Variants in STARD13 observed in about 807,000 individuals in gnomAD.
STARD13 encodes stAR-related lipid transfer protein 13.
In STARD13, 62 loss-of-function variants were observed where a neutral mutation model predicts 106.4. The observed-to-expected ratio is 0.58, with a 90% CI of 0.48 to 0.72. The LOEUF (loss-of-function observed/expected upper bound fraction) is 0.72, where lower values mean the gene tolerates loss of function less well. STARD13 is among the 30% of genes least tolerant of loss of function. STARD13 has a pLI of 0.00. For synonymous variants in STARD13, 565 were observed against 553.0 expected (o/e 1.02, Z -0.31); for missense variants, 1,387 against 1,424.0 (o/e 0.97, Z 0.42).
intron 1 of STARD13, among the ~76,000 whole-genome samples, chr13:33,272,188 A>G (rs61943573): frequency 0.017 from 2,534 of 152,328 alleles, 39 homozygotes; most frequent in Non-Finnish European, 0.026. Context: ...CCTTATCTGA[A>G]ATGCTTGGCA....
the STARD13 span, among the ~76,000 whole-genome samples, chr13:33,591,163 C>T: frequency 2.1e-4 from 32 of 152,252 alleles, no homozygotes; most frequent in African/African-American, 6.8e-4. Flanking sequence ...GGCAGATGCT[C>T]AGTCAAAATC....
chr13:33,129,236 C>A lies in STARD13; in HGVS notation c.1441G>T (p.Asp481Tyr). The A allele has an allele frequency of 1.2e-6, 2 of 1,614,170 alleles. No homozygotes were observed. The highest frequency in any genetic ancestry group is 1.1e-5 in the South Asian group (1 of 91,070). Residue 481 changes from aspartate to tyrosine, a missense_variant, in exon 5 of 14, where the codon GAC becomes TAC. Asp to Tyr is a radical substitution (Grantham distance 160, BLOSUM62 -3). Transcript: ENST00000336934. ...ATGTCATCCAAGTGAGGGAAAAGGT[C>A]ATCTTTCTCCAAGTCCAAAAGATCT... The part of the protein sequence containing the change: ...TGDLLDLEKD[D>Y]LFPHLDDILQ...
the STARD13 span, among the ~76,000 whole-genome samples, chr13:33,629,593 T>C: frequency 6.6e-6 from 1 of 152,216 alleles, no homozygotes; most frequent in African/African-American, 2.4e-5. Flanking sequence ...ACACTAAGTT[T>C]TGAGATTAAA....
chr13:33,261,432 G>C (rs1207965565), intron 1 of STARD13, among the ~76,000 whole-genome samples: 1 of 152,110 alleles, frequency 6.6e-6, no homozygotes, highest in South Asian at 2.1e-4. Context: ...ATAAGCCAGC[G>C]CTCCTTTTAG....
chr13:33,127,452 G>A lies in STARD13; in HGVS notation c.1843C>T (p.Leu615=). ...ISSQTASQLS[L]LQRFSLLRLT... is the part of the protein sequence containing the mutation. ...CGGAGCAGTGAGAAGCGCTGGAGCA[G>A]GCTCAGCTGGCTGGCCGTCTGGCTG... The change falls in exon 6 of 14, where the codon CTG becomes TTG. Residue 615 remains leucine (L), a synonymous_variant. Coordinates refer to ENST00000336934, the MANE Select transcript of STARD13 (RefSeq NM_178006.4). The A allele has an allele frequency of 6.2e-7, 1 of 1,601,944 alleles. No homozygotes were observed. The highest frequency in any genetic ancestry group is 8.5e-7 in the Non-Finnish European group (1 of 1,178,300).
At chr13:33,163,569 G>C (rs1220308263) in intron 3 of STARD13, among the ~76,000 whole-genome samples, 1 of 117,042 alleles carries the variant, frequency 8.5e-6, no homozygotes, top group African/African-American at 3.1e-5. Flanking sequence ...CAGCCTGGGC[G>C]ACAGAGCAAG....
rs1566038434 is a variant in STARD13, at chr13:33,163,604, A to AT, written c.323+1732_323+1733insA. Reference sequence around the variant, plus strand: ...GACTCTGTCTCAAAAAAAAAAAAAAAAATATATATATATATATATAAAACA... The same window carrying AT: ...GACTCTGTCTCAAAAAAAAAAAAAAATAATATATATATATATATATAAAACA... On this transcript the variant is annotated intron_variant, in intron 3 of 13. Transcript: ENST00000336934. Among the ~76,000 whole-genome samples the AT allele has an allele frequency of 6.4e-3, 477 of 74,502 alleles. 12 individuals carry two copies. The highest frequency in any genetic ancestry group is 0.017 in the African/African-American group (410 of 24,414). The allele number at this position is 74,502 out of a possible 152,430, so 48.9% of individuals were successfully genotyped here.
At chr13:33,183,200 A>C (rs912077576) in intron 1 of STARD13, among the ~76,000 whole-genome samples, 1 of 152,128 alleles carries the variant, frequency 6.6e-6, no homozygotes, top group Non-Finnish European at 1.5e-5. Context: ...CCCCCATTAG[A>C]CCACAGCTCT....
chr13:33,325,561 A>T (rs2077764061), intron 1 of STARD13, among the ~76,000 whole-genome samples: 1 of 152,184 alleles, frequency 6.6e-6, no homozygotes. Flanking sequence ...GGCTGAATAA[A>T]ACTATCCAAA....
intron 3 of STARD13, among the ~76,000 whole-genome samples, chr13:33,153,011 T>G (rs1325360): frequency 6.6e-6 from 1 of 151,992 alleles, no homozygotes; most frequent in Admixed American, 6.5e-5. Context: ...AGGAAAGGCA[T>G]GGACATTCTT....
the STARD13 span, among the ~76,000 whole-genome samples, chr13:33,454,200 G>A: frequency 6.6e-6 from 1 of 152,214 alleles, no homozygotes; most frequent in Non-Finnish European, 1.5e-5. Flanking sequence ...TTGGCAGGAG[G>A]ACTGATACAG....
At chr13:33,381,612 C>T in the STARD13 span, among the ~76,000 whole-genome samples, 3 of 151,942 alleles carry the variant, frequency 2.0e-5, no homozygotes, top group Non-Finnish European at 2.9e-5. Flanking sequence ...TGGTGGCAGG[C>T]GCCTGTAATC....
chr13:33,493,972 A>G, the STARD13 span, among the ~76,000 whole-genome samples: 73 of 152,334 alleles, frequency 4.8e-4, no homozygotes, highest in African/African-American at 1.6e-3. Flanking sequence ...CGGGTTTCTC[A>G]TCAGACAGAG....
chr13:33,240,312 A>G (rs953624834), intron 1 of STARD13, among the ~76,000 whole-genome samples: 3 of 152,158 alleles, frequency 2.0e-5, no homozygotes, highest in Non-Finnish European at 4.4e-5. Context: ...GAAATCAGGA[A>G]GTATGAAGCC....
the STARD13 span, among the ~76,000 whole-genome samples, chr13:33,614,506 G>A: frequency 6.6e-6 from 1 of 152,090 alleles, no homozygotes; most frequent in South Asian, 2.1e-4. Context: ...GCATGTCAGG[G>A]GTGCTGCACT....
intron 1 of STARD13, among the ~76,000 whole-genome samples, chr13:33,210,068 A>G (rs900207834): frequency 1.4e-4 from 21 of 152,222 alleles, no homozygotes; most frequent in Non-Finnish European, 2.5e-4. Flanking sequence ...GGTCGACAAC[A>G]GCCGCAGTGT....
At chr13:33,348,809 A>C (rs1301447198) in exon 2 of STARD13, 2 of 268,552 alleles carry the variant, frequency 7.4e-6, no homozygotes, top group East Asian at 7.1e-5. Context: ...GGTCCAAACC[A>C]AAAAAGTCTG....
At chr13:33,647,975 A>C in the STARD13 span, among the ~76,000 whole-genome samples, 1 of 152,186 alleles carries the variant, frequency 6.6e-6, no homozygotes, top group African/African-American at 2.4e-5. Flanking sequence ...CATAAAGGAC[A>C]ATGATACGTG....
chr13:33,424,810 G>A, the STARD13 span, among the ~76,000 whole-genome samples: 11 of 152,292 alleles, frequency 7.2e-5, no homozygotes, highest in South Asian at 4.1e-4. Context: ...AATTCATCTT[G>A]TAACTTATTA....
Sources: gnomAD v4.1 joint callset for allele counts (sites outside exome capture counted in the v4.1 genomes callset) on GRCh38, gnomAD v4.1.1 for gene constraint, MANE v1.5 for transcripts, NCBI Gene and HGNC (gene_info 2026-07-23, HGNC 2026-07-21) for gene names.